Variants in CAMK1D observed in about 807,000 individuals in gnomAD.
CAMK1D encodes calcium/calmodulin-dependent protein kinase type 1D.
Under a neutral mutation model 47.7 loss-of-function variants are expected in CAMK1D, and 9 were observed. The ratio of observed to expected loss-of-function variants is 0.19; its 90% CI spans 0.11 to 0.33. The LOEUF (loss-of-function observed/expected upper bound fraction) is 0.33, where lower values mean the gene tolerates loss of function less well. CAMK1D is among the 10% of genes least tolerant of loss of function. CAMK1D has a pLI of 1.00. For synonymous variants in CAMK1D, 184 were observed against 184.9 expected (o/e 0.99, Z 0.04); for missense variants, 291 against 488.7 (o/e 0.60, Z 3.81).
chr10:12,405,909 A>G (rs997169908), intron 1 of CAMK1D, among the ~76,000 whole-genome samples: 1 of 152,210 alleles, frequency 6.6e-6, no homozygotes, highest in Non-Finnish European at 1.5e-5. Context: ...ATTTCAGAGC[A>G]CTTAAATGGC....
intron 2 of CAMK1D, among the ~76,000 whole-genome samples, chr10:12,635,797 G>A (rs1254314023): frequency 1.3e-5 from 2 of 151,298 alleles, no homozygotes; most frequent in Non-Finnish European, 3.0e-5. Flanking sequence ...TAAAAAAAAT[G>A]TGATTCCTGA....
chr10:12,371,257 G>A (rs1430336783), intron 1 of CAMK1D, among the ~76,000 whole-genome samples: 1 of 151,960 alleles, frequency 6.6e-6, no homozygotes, highest in African/African-American at 2.4e-5. Context: ...CATGACTAGT[G>A]CCCTATACAG....
chr10:12,456,855 A>G (rs1049584608), intron 1 of CAMK1D, among the ~76,000 whole-genome samples: 1 of 151,434 alleles, frequency 6.6e-6, no homozygotes, highest in African/African-American at 2.4e-5. Context: ...ATCTGGTGCC[A>G]TGAACTAACA....
At chr10:12,619,412 C>T (rs1470936735) in intron 2 of CAMK1D, among the ~76,000 whole-genome samples, 7 of 151,872 alleles carry the variant, frequency 4.6e-5, no homozygotes, top group East Asian at 3.9e-4. Context: ...TGCCTCAGCC[C>T]GAGTAGCTGG....
intron 1 of CAMK1D, among the ~76,000 whole-genome samples, chr10:12,463,135 T>TG (rs1168448374): frequency 6.6e-6 from 1 of 151,832 alleles, no homozygotes; most frequent in Non-Finnish European, 1.5e-5. Context: ...TAAGAGTTTT[T>TG]TTTTTTTTTT....
intron 1 of CAMK1D, among the ~76,000 whole-genome samples, chr10:12,505,261 T>C (rs564203563): frequency 5.3e-5 from 8 of 152,210 alleles, no homozygotes; most frequent in African/African-American, 1.9e-4. Context: ...AGATGGCTCC[T>C]GGGAGTCTTC....
chr10:12,635,359 C>T lies in CAMK1D; in HGVS notation c.225-31377C>T, dbSNP rs146161394. ...TAAGTTGCTTGTTTGTTTTAGTAAA[C>T]GTAGTCAATGAAGCAGTGAGTCAGT... On this transcript the variant is annotated intron_variant, in intron 2 of 10. Transcript: ENST00000619168. 6.0e-4 allele frequency among the ~76,000 whole-genome samples: 92 copies of T among 152,244 alleles called. No homozygotes were observed. The East Asian group carries it at 0.014, about 23-fold the overall frequency.
At chr10:12,811,847 G>A (rs1023318500) in intron 6 of CAMK1D, among the ~76,000 whole-genome samples, 2 of 152,172 alleles carry the variant, frequency 1.3e-5, no homozygotes, top group Non-Finnish European at 1.5e-5. Context: ...AATCCTCATC[G>A]TGGGAGAAAT....
chr10:12,384,195 G>A (rs1397388231), intron 1 of CAMK1D, among the ~76,000 whole-genome samples: 1 of 152,194 alleles, frequency 6.6e-6, no homozygotes, highest in East Asian at 1.9e-4. Flanking sequence ...ATCATTGAAA[G>A]AAATTAATGA....
Position 12,492,357 on chromosome 10 carries a change from A to G in CAMK1D, c.93-60868A>G, listed in dbSNP as rs562572449. ...AGTAACACCTCATCTCAAAAAAAAA[A>G]AAAAAAAAGAAAAGACTGGGTGCAG... On this transcript the variant is annotated intron_variant, in intron 1 of 10. Coordinates refer to ENST00000619168, the MANE Select transcript of CAMK1D (RefSeq NM_153498.4). Among the ~76,000 whole-genome samples, 13 of 151,968 alleles carry G rather than the reference A, an allele frequency of 8.6e-5. No homozygotes were observed. In the South Asian group the frequency reaches 2.7e-3, roughly 32 times the overall value.
chr10:12,688,625 C>T (rs1470186524), intron 3 of CAMK1D, among the ~76,000 whole-genome samples: 8 of 152,114 alleles, frequency 5.3e-5, no homozygotes, highest in South Asian at 2.1e-4. Context: ...ATTTCCAAAA[C>T]GCTGGCAGCA....
At chr10:12,413,457 GTTCTC>G (rs1479104599) in intron 1 of CAMK1D, among the ~76,000 whole-genome samples, 1 of 29,106 alleles carries the variant, frequency 3.4e-5, no homozygotes, top group Non-Finnish European at 7.3e-5. Context: ...GTCAGGCCCT[GTTCTC>G]TTCTCTGGGG....
chr10:12,493,995 A>G (rs1045934548), intron 1 of CAMK1D, among the ~76,000 whole-genome samples: 1 of 152,294 alleles, frequency 6.6e-6, no homozygotes, highest in Non-Finnish European at 1.5e-5. Flanking sequence ...ACGCTGGTGG[A>G]TGGAAGAAGA....
chr10:12,569,722 C>CAAAAAAA (rs56335336), intron 2 of CAMK1D, among the ~76,000 whole-genome samples: 32 of 71,382 alleles, frequency 4.5e-4, no homozygotes, highest in African/African-American at 1.3e-3. Flanking sequence ...GACTCCGTCT[C>CAAAAAAA]AAAAAAAAAA....
At chr10:12,767,758 A>T (rs1260467009) in intron 4 of CAMK1D, among the ~76,000 whole-genome samples, 1 of 152,212 alleles carries the variant, frequency 6.6e-6, no homozygotes, top group Non-Finnish European at 1.5e-5. Context: ...CTGAATACAC[A>T]CTTTACAGGA....
chr10:12,379,689 G>A (rs891253099), intron 1 of CAMK1D, among the ~76,000 whole-genome samples: 1 of 151,992 alleles, frequency 6.6e-6, no homozygotes, highest in African/African-American at 2.4e-5. Context: ...GGAGGCGGAG[G>A]TTGCAGTGAG....
At chr10:12,616,049 GTGT>G (rs1838800994) in intron 2 of CAMK1D, among the ~76,000 whole-genome samples, 1 of 151,344 alleles carries the variant, frequency 6.6e-6, no homozygotes, top group Admixed American at 6.6e-5. Context: ...GTGAGTGCAC[GTGT>G]TGGTTTATGA....
intron 1 of CAMK1D, among the ~76,000 whole-genome samples, chr10:12,527,521 A>AT (rs1410903282): frequency 4.6e-5 from 7 of 150,628 alleles, no homozygotes; most frequent in South Asian, 2.1e-4. Context: ...CGCCCGGCTA[A>AT]TTTTTTTTTG....
chr10:12,445,217 C>A (rs1406169728), intron 1 of CAMK1D, among the ~76,000 whole-genome samples: 1 of 152,184 alleles, frequency 6.6e-6, no homozygotes, highest in Non-Finnish European at 1.5e-5. Context: ...GTGTCCGATC[C>A]TCCCTTCCCA....
Sources: gnomAD v4.1 joint callset for allele counts (sites outside exome capture counted in the v4.1 genomes callset) on GRCh38, gnomAD v4.1.1 for gene constraint, MANE v1.5 for transcripts, NCBI Gene and HGNC (gene_info 2026-07-23, HGNC 2026-07-21) for gene names.